MTHFD1L: variants seen among roughly 807,000 people sequenced by gnomAD.
MTHFD1L encodes monofunctional C1-tetrahydrofolate synthase, mitochondrial.
A neutral mutation model predicts 119.5 loss-of-function variants in MTHFD1L; 81 were observed. The ratio of observed to expected loss-of-function variants is 0.68; its 90% confidence interval spans 0.57 to 0.82. The LOEUF (loss-of-function observed/expected upper bound fraction) is 0.82, where lower values mean the gene tolerates loss of function less well. Among genes scored for constraint, MTHFD1L ranks in the 40% least tolerant of loss-of-function variants. The pLI is 0.00. For missense variants in MTHFD1L, 1,125 were observed against 1,253.4 expected (o/e 0.90, Z 1.55); for synonymous variants, 430 against 475.2 (o/e 0.90, Z 1.24).
intron 19 of MTHFD1L, among the ~76,000 whole-genome samples, chr6:150,967,980 C>G (rs1797472157): frequency 6.6e-6 from 1 of 151,862 alleles, no homozygotes; most frequent in Admixed American, 6.6e-5. Context: ...CGCTCCTTGT[C>G]CCTTATCCTC....
At chr6:151,093,430 G>A (rs1584457891) in intron 27 of MTHFD1L, among the ~76,000 whole-genome samples, 1 of 52,698 alleles carries the variant, frequency 1.9e-5, no homozygotes, top group Admixed American at 2.1e-4. Context: ...AGGCCGAGGT[G>A]GGTGGATCAC....
intron 20 of MTHFD1L, among the ~76,000 whole-genome samples, chr6:150,994,811 C>T (rs1584012556): frequency 1.3e-5 from 2 of 152,074 alleles, no homozygotes; most frequent in African/African-American, 4.8e-5. Flanking sequence ...GGATACAGAA[C>T]CGTCTTTAGA....
At position 150,938,739 on chromosome 6, in the gene MTHFD1L, G is replaced by A. The variant is rs1347735605; in HGVS notation, c.1434G>A (p.Met478Ile). 6.2e-7 allele frequency: 1 copy of A among 1,608,702 alleles called. No individual in the cohort carries two copies. Among genetic ancestry groups the A allele is most frequent in the Admixed American group, 1.7e-5 (1 of 59,218 alleles). ...GTGGATATGCCCAGGTCATCCCCAT[G>A]GAGGAGGTAAGACCTTGAAGAGATG... Reference protein sequence around the residue: ...AGGGYAQVIPMEEFNLHLTGD... With the variant: ...AGGGYAQVIPIEEFNLHLTGD... Residue 478 changes from methionine to isoleucine, a missense_variant, in exon 13 of 28, where the codon ATG becomes ATA. Met to Ile is a conservative substitution (Grantham distance 10). This residue lies in a region of MTHFD1L where 1,058 missense variants were observed against 1,151.2 expected (regional missense o/e 0.92). Coordinates refer to ENST00000367321, the MANE Select transcript of MTHFD1L (RefSeq NM_015440.5).
intron 16 of MTHFD1L, among the ~76,000 whole-genome samples, chr6:150,955,703 T>C (rs1795540030): frequency 3.3e-5 from 5 of 152,102 alleles, no homozygotes; most frequent in Admixed American, 3.3e-4. Context: ...TTTCACCATG[T>C]TGGCCAGGCT....
rs1428854664 is a variant in MTHFD1L at position 150,877,769 on chromosome 6, T to C, written c.364-4T>C. 1 of 1,614,230 alleles carries C rather than the reference T, an allele frequency of 6.2e-7. No homozygotes were observed. The highest frequency in any genetic ancestry group is 1.7e-5 in the Admixed American group (1 of 60,028). ...TGACGAATAACCTTGTGTTCCTTTT[T>C]CAGGCTGGTCTGAACATCACTCACA... On this transcript the variant is annotated splice_polypyrimidine_tract_variant and splice_region_variant and intron_variant, in intron 3 of 27. Coordinates refer to ENST00000367321, the MANE Select transcript of MTHFD1L (RefSeq NM_015440.5).
chr6:151,093,250 C>G (rs1045764370), intron 27 of MTHFD1L, among the ~76,000 whole-genome samples: 1 of 152,178 alleles, frequency 6.6e-6, no homozygotes, highest in Non-Finnish European at 1.5e-5. Context: ...GTCTCAGCCT[C>G]TGTGGTCCCA....
intron 1 of MTHFD1L, chr6:150,866,729 G>T: frequency 9.3e-7 from 1 of 1,074,532 alleles, no homozygotes; most frequent in Non-Finnish European, 1.1e-6. Flanking sequence ...CGGAGTCCCC[G>T]CGCAGCTGGG....
rs1240688325 is a variant in MTHFD1L, at chr6:151,041,029, G to T, written c.2847+3912G>T. On this transcript the variant is annotated intron_variant, in intron 26 of 27. Transcript: ENST00000367321. ...CATTATCTGGTCTTCTCAGCCCTCA[G>T]CCGAGTTCCTCCTGTGGCCACACAC... 3.3e-4 allele frequency among the ~76,000 whole-genome samples: 50 copies of T among 152,324 alleles called. No individual in the cohort carries two copies. The Middle Eastern group carries it at 0.01, about 31-fold the overall frequency.
At chr6:151,020,991 T>C (rs757993076) in intron 24 of MTHFD1L, among the ~76,000 whole-genome samples, 1 of 152,198 alleles carries the variant, frequency 6.6e-6, no homozygotes. Context: ...GGGAAGGTGA[T>C]GGACTTGTCC....
intron 1 of MTHFD1L, among the ~76,000 whole-genome samples, chr6:150,869,130 T>C (rs1322073121): frequency 6.6e-6 from 1 of 152,188 alleles, no homozygotes; most frequent in Non-Finnish European, 1.5e-5. Context: ...GCACACTTAA[T>C]AGATGGCAGT....
chr6:150,985,725 T>G (rs1483637029), intron 20 of MTHFD1L, among the ~76,000 whole-genome samples: 4 of 151,456 alleles, frequency 2.6e-5, no homozygotes, highest in Non-Finnish European at 4.4e-5. Context: ...AAGGTAATCC[T>G]TCTTGAAAGG....
At chr6:150,949,549 C>T (rs803469) in intron 16 of MTHFD1L, among the ~76,000 whole-genome samples, 49,064 of 151,976 alleles carry the variant, frequency 0.32, 8,182 homozygotes, top group South Asian at 0.51. Context: ...CACTGGCTCT[C>T]GGCAGCTCTC....
chr6:150,981,205 C>T (rs1421206714), intron 20 of MTHFD1L, among the ~76,000 whole-genome samples: 1 of 152,184 alleles, frequency 6.6e-6, no homozygotes, highest in Non-Finnish European at 1.5e-5. Flanking sequence ...GACACCCGCA[C>T]CTCATTTCCT....
rs1288760723 is a variant in MTHFD1L at position 151,064,808 on chromosome 6, G to GT, written c.2848-27652dup. 2.1e-5 allele frequency among the ~76,000 whole-genome samples: 3 copies of GT among 143,694 alleles called. No homozygotes were observed. In the East Asian group the frequency reaches 6.2e-4, roughly 30 times the overall value. 94.3% of individuals were successfully genotyped at this position (143,694 alleles called of 152,430 possible). Reference sequence around the variant, plus strand: ...TTTTTTGTTTTTTTTTTGTTTTTTTGTTTTTTTGTTTTGAGATGGAGTCTC... The same window carrying GT: ...TTTTTTGTTTTTTTTTTGTTTTTTTGTTTTTTTTGTTTTGAGATGGAGTCTC... On this transcript the variant is annotated intron_variant, in intron 26 of 27. Transcript: ENST00000367321.
intron 20 of MTHFD1L, among the ~76,000 whole-genome samples, chr6:150,982,988 C>A (rs1172519876): frequency 6.6e-6 from 1 of 152,238 alleles, no homozygotes; most frequent in Admixed American, 6.5e-5. Context: ...GCATGAGCCA[C>A]TATGACCGGC....
chr6:151,024,439 A>G (rs1030882668), intron 24 of MTHFD1L, among the ~76,000 whole-genome samples: 4 of 152,078 alleles, frequency 2.6e-5, no homozygotes, highest in African/African-American at 9.7e-5. Flanking sequence ...GCTACTCAGG[A>G]GGCTGAGGTG....
intron 20 of MTHFD1L, among the ~76,000 whole-genome samples, chr6:151,001,577 C>T (rs750252617): frequency 6.6e-6 from 1 of 152,146 alleles, no homozygotes; most frequent in African/African-American, 2.4e-5. Context: ...CATTTCCCAT[C>T]CAGCGAAGGG....
At chr6:150,903,800 C>A (rs572658207) in intron 7 of MTHFD1L, among the ~76,000 whole-genome samples, 1 of 152,288 alleles carries the variant, frequency 6.6e-6, no homozygotes, top group African/African-American at 2.4e-5. Context: ...ATTCATACAG[C>A]CAGAAGCTGA....
At chr6:151,081,498 CAAAAAAAAAAAAA>C (rs56795003) in intron 26 of MTHFD1L, among the ~76,000 whole-genome samples, 13 of 98,194 alleles carry the variant, frequency 1.3e-4, no homozygotes, top group African/African-American at 3.7e-4. Context: ...ACTAAAAATG[CAAAAAAAAAAAAA>C]AAAAAAAAAA....
Sources: gnomAD v4.1 joint callset for allele counts (sites outside exome capture counted in the v4.1 genomes callset) on GRCh38, gnomAD v4.1.1 for gene constraint, gnomAD v4.1.1 regional missense constraint, MANE v1.5 for transcripts, NCBI Gene and HGNC (gene_info 2026-07-23, HGNC 2026-07-21) for gene names.